Variants in CFAP20DC observed in about 807,000 individuals in gnomAD.
CFAP20DC encodes the protein CFAP20 domain containing.
A neutral mutation model predicts 101.7 loss-of-function variants in CFAP20DC; 84 were observed. The observed-to-expected ratio is 0.83, with a 90% CI of 0.69 to 0.99. CFAP20DC has a LOEUF of 0.99. Among genes scored for constraint, CFAP20DC ranks in the 50% least tolerant of loss-of-function variants. The pLI is 0.00. For synonymous variants in CFAP20DC, 359 were observed against 351.2 expected (o/e 1.02, Z -0.25); for missense variants, 1,007 against 970.3 (o/e 1.04, Z -0.50).
At chr3:58,978,491 A>G (rs1324341923) in intron 4 of CFAP20DC, among the ~76,000 whole-genome samples, 1 of 152,026 alleles carries the variant, frequency 6.6e-6, no homozygotes, top group Non-Finnish European at 1.5e-5. Flanking sequence ...GGCAGATCAC[A>G]TGATGCTAGG....
intron 4 of CFAP20DC, among the ~76,000 whole-genome samples, chr3:58,959,154 G>A (rs536252821): frequency 1.3e-5 from 2 of 152,238 alleles, no homozygotes; most frequent in East Asian, 3.9e-4. Flanking sequence ...GAGTGCAATG[G>A]TGCCATCTCC....
intron 14 of CFAP20DC, among the ~76,000 whole-genome samples, chr3:58,808,921 T>A (rs1228754503): frequency 6.6e-6 from 1 of 152,020 alleles, no homozygotes; most frequent in Non-Finnish European, 1.5e-5. Flanking sequence ...AATCCTAGTC[T>A]CTGACAAAAC....
intron 4 of CFAP20DC, among the ~76,000 whole-genome samples, chr3:59,038,001 T>C (rs898400774): frequency 3.3e-5 from 5 of 151,998 alleles, no homozygotes; most frequent in African/African-American, 1.2e-4. Flanking sequence ...CTGGAAACCA[T>C]CACTCTCAGT....
chr3:58,860,408 C>T (rs145743079), intron 12 of CFAP20DC, among the ~76,000 whole-genome samples: 201 of 152,246 alleles, frequency 1.3e-3, no homozygotes, highest in African/African-American at 4.6e-3. Context: ...CCTTTGCAGG[C>T]TTCCATAGAG....
At chr3:58,936,956 C>A (rs1251472190) in intron 5 of CFAP20DC, among the ~76,000 whole-genome samples, 24 of 140,218 alleles carry the variant, frequency 1.7e-4, no homozygotes, top group Admixed American at 3.5e-4. Context: ...AAATTTAAGC[C>A]AAAAAAAAAA....
At chr3:58,736,930 T>C (rs1433073832) in intron 3 of CFAP20DC, among the ~76,000 whole-genome samples, 2 of 152,260 alleles carry the variant, frequency 1.3e-5, no homozygotes, top group Non-Finnish European at 2.9e-5. Flanking sequence ...TTTGACTTAA[T>C]GTGATTCTAA....
At chr3:58,857,283 A>G (rs539754719) in intron 12 of CFAP20DC, among the ~76,000 whole-genome samples, 1 of 152,342 alleles carries the variant, frequency 6.6e-6, no homozygotes, top group South Asian at 2.1e-4. Flanking sequence ...AAATCAATGC[A>G]TTTGGTAAGA....
intron 15 of CFAP20DC, among the ~76,000 whole-genome samples, chr3:58,774,209 C>G (rs564360344): frequency 6.6e-5 from 10 of 152,200 alleles, no homozygotes; most frequent in African/African-American, 2.2e-4. Flanking sequence ...AGGCCTACAG[C>G]TGTAATCAAT....
At chr3:58,988,699 T>A (rs572398141) in intron 4 of CFAP20DC, among the ~76,000 whole-genome samples, 24 of 152,306 alleles carry the variant, frequency 1.6e-4, no homozygotes, top group African/African-American at 4.8e-4. Flanking sequence ...TATTTCTGAA[T>A]CTTCAGTTTC....
At chr3:58,810,506 C>T (rs1281596959) in intron 14 of CFAP20DC, among the ~76,000 whole-genome samples, 1 of 152,098 alleles carries the variant, frequency 6.6e-6, no homozygotes, top group African/African-American at 2.4e-5. Context: ...TTCAACAACC[C>T]TCCATGCTAA....
intron 5 of CFAP20DC, among the ~76,000 whole-genome samples, chr3:58,936,954 G>A (rs370952272): frequency 7.3e-5 from 9 of 122,678 alleles, no homozygotes; most frequent in African/African-American, 1.5e-4. Flanking sequence ...ATAAATTTAA[G>A]CCAAAAAAAA....
intron 4 of CFAP20DC, among the ~76,000 whole-genome samples, chr3:59,030,179 T>C (rs1181875695): frequency 4.6e-5 from 7 of 152,228 alleles, no homozygotes; most frequent in Non-Finnish European, 1.0e-4. Flanking sequence ...CTTTCCAAGC[T>C]TGTTAGAGAA....
At chr3:58,936,743 G>A (rs1026172249) in intron 5 of CFAP20DC, among the ~76,000 whole-genome samples, 2 of 152,110 alleles carry the variant, frequency 1.3e-5, no homozygotes, top group East Asian at 3.9e-4. Context: ...ATGGACACAG[G>A]AAGGGGAACA....
rs533511323 is a variant in CFAP20DC, at chr3:58,895,974, A to G, written c.551-11265T>C. On this transcript the variant is annotated intron_variant, in intron 6 of 16. Transcript: ENST00000482387. ...CAAGAACGACCTGCCCCCATGATTC[A>G]GTTACCTCCTACCAGATCCATCCCA... Among the ~76,000 whole-genome samples, 8 of 152,336 alleles carry G rather than the reference A, an allele frequency of 5.3e-5. No homozygotes were observed. The South Asian group carries it at 1.7e-3, about 32-fold the overall frequency.
At chr3:58,855,575 G>C (rs1279658728) in intron 12 of CFAP20DC, among the ~76,000 whole-genome samples, 2 of 151,988 alleles carry the variant, frequency 1.3e-5, no homozygotes, top group Admixed American at 1.3e-4. Flanking sequence ...GCAAAGACTT[G>C]GAACCAACCC....
chr3:58,891,279 C>T (rs1236076491), intron 6 of CFAP20DC, among the ~76,000 whole-genome samples: 6 of 151,528 alleles, frequency 4.0e-5, no homozygotes, highest in Non-Finnish European at 7.4e-5. Context: ...TCAGGCGTGG[C>T]GGCGCGTGCC....
chr3:58,884,620 G>A lies in CFAP20DC; in HGVS notation c.640C>T (p.Gln214Ter), dbSNP rs370738470. 3 of 1,613,860 alleles carry A rather than the reference G, an allele frequency of 1.9e-6. No homozygotes were observed. Among genetic ancestry groups the A allele is most frequent in the Non-Finnish European group, 2.5e-6 (3 of 1,179,872 alleles). Residue 214 changes from glutamine to a stop codon, truncating the protein, a stop_gained, in exon 7 of 17, where the codon CAG becomes TAG. Coordinates refer to ENST00000482387, the MANE Select transcript of CFAP20DC (RefSeq NM_001394063.1). LOFTEE classifies it high-confidence loss of function. ...CGAAGTTTAGTCATGTTTAGCAGCT[G>A]TGTGACATGTGGAACATCTGTCATT... Reference protein sequence around the residue: ...QLMTDVPHVTQLLNMTKLRQT... With the variant: ...QLMTDVPHVT
chr3:58,830,736 G>T (rs1194386237), intron 14 of CFAP20DC, among the ~76,000 whole-genome samples: 1 of 152,078 alleles, frequency 6.6e-6, no homozygotes, highest in Non-Finnish European at 1.5e-5. Flanking sequence ...TTGGATGAAA[G>T]TATATTTTAG....
intron 14 of CFAP20DC, among the ~76,000 whole-genome samples, chr3:58,813,399 A>T (rs888898028): frequency 6.6e-6 from 1 of 151,950 alleles, no homozygotes; most frequent in African/African-American, 2.4e-5. Flanking sequence ...ATAAGAAATC[A>T]TTTTCAACAT....
Sources: allele counts gnomAD v4.1 joint callset (sites outside exome capture counted in the v4.1 genomes callset), GRCh38; gene constraint gnomAD v4.1.1; transcripts MANE v1.5; gene names NCBI Gene and HGNC (gene_info 2026-07-23, HGNC 2026-07-21).